The following PCDH15 variants were observed in gnomAD, a reference collection of about 807,000 sequenced individuals.
The protein encoded by PCDH15 is protocadherin-15.
A neutral mutation model predicts 178.5 loss-of-function variants in PCDH15; 129 were observed. The observed-to-expected ratio is 0.72, with a 90% CI of 0.63 to 0.84. The LOEUF (loss-of-function observed/expected upper bound fraction) is 0.84, where lower values mean the gene tolerates loss of function less well. Among genes scored for constraint, PCDH15 ranks in the 40% least tolerant of loss-of-function variants. The pLI is 0.00. For synonymous variants in PCDH15, 800 were observed against 732.0 expected (o/e 1.09, Z -1.50); for missense variants, 2,230 against 2,099.9 (o/e 1.06, Z -1.21).
chr10:55,202,120 A>C (rs1164617685), intron 1 of PCDH15, among the ~76,000 whole-genome samples: 1 of 152,100 alleles, frequency 6.6e-6, no homozygotes, highest in Non-Finnish European at 1.5e-5. Flanking sequence ...AAGATAGAAA[A>C]ATTTTGAACG....
rs148258929 is a variant in PCDH15 at position 54,373,150 on chromosome 10, A to G, written c.319-3875T>C. Reference sequence around the variant, plus strand: ...TTATAGCACAAATCTTCAATCCAATATATTTTTTTTCTAGAAACCAAATGA... The same window carrying G: ...TTATAGCACAAATCTTCAATCCAATGTATTTTTTTTCTAGAAACCAAATGA... On this transcript the variant is annotated intron_variant, in intron 4 of 37. Coordinates refer to ENST00000644397, the MANE Select transcript of PCDH15 (RefSeq NM_001384140.1). Among the ~76,000 whole-genome samples the G allele has an allele frequency of 3.1e-3, 472 of 152,012 alleles. 3 individuals carry two copies. The highest frequency in any genetic ancestry group is 0.011 in the African/African-American group (460 of 41,536).
chr10:54,454,206 A>C (rs930156463), intron 3 of PCDH15, among the ~76,000 whole-genome samples: 2 of 149,406 alleles, frequency 1.3e-5, no homozygotes, highest in Non-Finnish European at 1.5e-5. Flanking sequence ...TTAATTACTA[A>C]AATTTTTTCT....
chr10:54,462,303 T>C (rs187227933), intron 3 of PCDH15, among the ~76,000 whole-genome samples: 21,632 of 149,166 alleles, frequency 0.15, 1,667 homozygotes, highest in East Asian at 0.29. Context: ...CACACACATA[T>C]ATATATATAT....
intron 2 of PCDH15, among the ~76,000 whole-genome samples, chr10:54,553,549 G>A (rs1440334711): frequency 1.3e-5 from 2 of 152,140 alleles, no homozygotes; most frequent in Admixed American, 1.3e-4. Flanking sequence ...GAGTCTCTAA[G>A]AGGAGGTTTA....
At chr10:54,814,744 C>T (rs1952921526) in intron 3 of PCDH15, among the ~76,000 whole-genome samples, 1 of 152,058 alleles carries the variant, frequency 6.6e-6, no homozygotes, top group South Asian at 2.1e-4. Context: ...TGCAATCAGA[C>T]CTTTGTGTTG....
chr10:54,116,848 C>T (rs1183156290), intron 15 of PCDH15, among the ~76,000 whole-genome samples: 2 of 151,996 alleles, frequency 1.3e-5, no homozygotes, highest in East Asian at 1.9e-4. Context: ...TTTCATTTTA[C>T]ATCTTTTGTA....
intron 2 of PCDH15, among the ~76,000 whole-genome samples, chr10:55,572,025 A>G (rs1040160978): frequency 1.3e-5 from 2 of 152,084 alleles, no homozygotes; most frequent in African/African-American, 2.4e-5. Flanking sequence ...ATTGTTTTCA[A>G]TATTTTATGA....
At chr10:55,445,014 G>A (rs567482307) in intron 2 of PCDH15, among the ~76,000 whole-genome samples, 2 of 152,114 alleles carry the variant, frequency 1.3e-5, no homozygotes, top group Non-Finnish European at 2.9e-5. Context: ...AACGGAGAAA[G>A]AAGGGAGGTG....
intron 2 of PCDH15, among the ~76,000 whole-genome samples, chr10:55,457,212 G>C (rs1315470188): frequency 6.6e-6 from 1 of 151,930 alleles, no homozygotes; most frequent in African/African-American, 2.4e-5. Flanking sequence ...CATTTATTTA[G>C]GGCAATTCAA....
chr10:54,802,962 G>C (rs193232033), upstream of PCDH15, among the ~76,000 whole-genome samples: 1 of 152,052 alleles, frequency 6.6e-6, no homozygotes, highest in Non-Finnish European at 1.5e-5. Context: ...ATTTTCAAAA[G>C]TAAATTACAA....
At chr10:55,029,451 T>G (rs1316423337) in intron 2 of PCDH15, among the ~76,000 whole-genome samples, 1 of 152,066 alleles carries the variant, frequency 6.6e-6, no homozygotes, top group African/African-American at 2.4e-5. Context: ...AGCAGAAATT[T>G]GATTAGCTCT....
intron 3 of PCDH15, among the ~76,000 whole-genome samples, chr10:54,397,647 CCAA>C (rs1179816640): frequency 6.6e-6 from 1 of 151,886 alleles, no homozygotes; most frequent in Non-Finnish European, 1.5e-5. Flanking sequence ...ATATATGTTT[CCAA>C]CAACATTGTG....
chr10:54,163,532 C>T (rs2045922637), intron 13 of PCDH15, among the ~76,000 whole-genome samples: 1 of 152,106 alleles, frequency 6.6e-6, no homozygotes, highest in Non-Finnish European at 1.5e-5. Flanking sequence ...TTACCTTCCA[C>T]TAGGCCCCTA....
intron 1 of PCDH15, among the ~76,000 whole-genome samples, chr10:54,681,256 T>C (rs2094893609): frequency 6.6e-6 from 1 of 152,138 alleles, no homozygotes; most frequent in African/African-American, 2.4e-5. Flanking sequence ...GTTTGAAATA[T>C]CTATTAAACT....
At chr10:55,502,509 A>AT in intron 2 of PCDH15, among the ~76,000 whole-genome samples, 1 of 151,894 alleles carries the variant, frequency 6.6e-6, no homozygotes, top group Middle Eastern at 3.4e-3. Flanking sequence ...TTATTATCAG[A>AT]TAAAAATATG....
chr10:53,915,045 T>C (rs1028254413), intron 25 of PCDH15, among the ~76,000 whole-genome samples: 12 of 152,206 alleles, frequency 7.9e-5, no homozygotes, highest in African/African-American at 2.4e-4. Flanking sequence ...AAGCTGTTCT[T>C]ACTAAGGGGT....
intron 1 of PCDH15, among the ~76,000 whole-genome samples, chr10:54,673,508 G>A (rs1039279882): frequency 2.6e-5 from 4 of 152,018 alleles, no homozygotes; most frequent in African/African-American, 9.7e-5. Flanking sequence ...GCATGATCTC[G>A]GCTCACTGCG....
rs922438301 is a variant in PCDH15 at position 53,823,060 on chromosome 10, T to C, written c.4368-2830A>G. 6.2e-7 allele frequency: 1 copy of C among 1,613,934 alleles called. No individual in the cohort carries two copies. Among genetic ancestry groups the C allele is most frequent in the African/African-American group, 1.3e-5 (1 of 74,902 alleles). On this transcript the variant is annotated intron_variant, in intron 32 of 37. Coordinates refer to ENST00000644397, the MANE Select transcript of PCDH15 (RefSeq NM_001384140.1). ...CTCAGAGACTTACTCTTGGCTTGTA[T>C]TTTGGGTGAAAATGGGTCTACAAAA...
intron 19 of PCDH15, 90 bp downstream of exon 19, chr10:54,022,802 T>C: frequency 3.9e-6 from 5 of 1,266,714 alleles, no homozygotes; most frequent in Non-Finnish European, 5.8e-6. Flanking sequence ...CTTGGTATGT[T>C]GTATTGTTAC....
Sources: gnomAD v4.1 joint callset for allele counts (sites outside exome capture counted in the v4.1 genomes callset) on GRCh38, gnomAD v4.1.1 for gene constraint, MANE v1.5 for transcripts, NCBI Gene and HGNC (gene_info 2026-07-23, HGNC 2026-07-21) for gene names.